GPR89A: variants seen among roughly 807,000 people sequenced by gnomAD.
GPR89A encodes the protein golgi pH regulator A, also known as G protein-coupled receptor 89A.
A neutral mutation model predicts 52.0 loss-of-function variants in GPR89A; 16 were observed. The ratio of observed to expected loss-of-function variants is 0.31; its 90% CI spans 0.21 to 0.47. The LOEUF (loss-of-function observed/expected upper bound fraction) is 0.47. Ranked by LOEUF, GPR89A falls within the 20% of genes least tolerant of loss-of-function variation. The pLI, the probability that GPR89A is intolerant of heterozygous loss-of-function variation, is 1.00. For missense variants in GPR89A, 135 were observed against 449.4 expected (o/e 0.30, Z 6.33); for synonymous variants, 55 against 150.9 (o/e 0.36, Z 4.66).
chr1:145,613,894 C>T (rs1553686570), intron 1 of GPR89A, among the ~76,000 whole-genome samples: 2 of 152,026 alleles, frequency 1.3e-5, no homozygotes, highest in Admixed American at 1.3e-4. Context: ...TCAAGTGGCC[C>T]TTCCACTTCA....
At chr1:145,658,925 G>A (rs1305486222) in intron 10 of GPR89A, among the ~76,000 whole-genome samples, 5 of 151,502 alleles carry the variant, frequency 3.3e-5, no homozygotes, top group African/African-American at 9.7e-5. Flanking sequence ...TTACAGGTGC[G>A]TACCACCACG....
intron 7 of GPR89A, among the ~76,000 whole-genome samples, chr1:145,642,243 A>G (rs1490889607): frequency 6.6e-6 from 1 of 151,932 alleles, no homozygotes; most frequent in Non-Finnish European, 1.5e-5. Context: ...CCTGCATGTT[A>G]AGCTGAAATG....
chr1:145,647,744 GC>G (rs1268032529), intron 10 of GPR89A, among the ~76,000 whole-genome samples: 5 of 142,334 alleles, frequency 3.5e-5, no homozygotes, highest in Non-Finnish European at 7.6e-5. Context: ...GGCGGACGTT[GC>G]AGTGAGCTAA....
intron 10 of GPR89A, among the ~76,000 whole-genome samples, chr1:145,656,289 G>C (rs1203716490): frequency 6.6e-6 from 1 of 151,840 alleles, no homozygotes; most frequent in East Asian, 1.9e-4. Context: ...AGGCCCTGTT[G>C]GCCTGGGCTC....
intron 7 of GPR89A, among the ~76,000 whole-genome samples, chr1:145,637,917 A>G (rs1203732651): frequency 6.6e-6 from 1 of 150,674 alleles, no homozygotes; most frequent in African/African-American, 2.5e-5. Context: ...CACGCCTGTA[A>G]TCCCAGCACT....
At chr1:145,611,191 C>CT (rs35221963) in intron 1 of GPR89A, among the ~76,000 whole-genome samples, 65,871 of 138,248 alleles carry the variant, frequency 0.48, 16,161 homozygotes, top group African/African-American at 0.63. Flanking sequence ...TAGTTTAAGT[C>CT]TTTTTTTTTT....
At chr1:145,664,324 T>C (rs1164903714) in intron 11 of GPR89A, among the ~76,000 whole-genome samples, 3 of 146,910 alleles carry the variant, frequency 2.0e-5, no homozygotes, top group East Asian at 1.9e-4. Flanking sequence ...GAACATGATA[T>C]CTTTTCTTCA....
At chr1:145,629,857 T>C (rs180939567) in intron 5 of GPR89A, among the ~76,000 whole-genome samples, 141 of 152,202 alleles carry the variant, frequency 9.3e-4, no homozygotes, top group African/African-American at 3.4e-3. Context: ...AATATTGGAA[T>C]TTTCAGTTTT....
At chr1:145,608,384 G>C (rs1334636018) in intron 1 of GPR89A, 5 of 938,710 alleles carry the variant, frequency 5.3e-6, no homozygotes, top group Non-Finnish European at 6.4e-6. Flanking sequence ...GGCCGTCCGC[G>C]TCCCCACCCG....
At chr1:145,658,434 A>G (rs1248580432) in intron 10 of GPR89A, among the ~76,000 whole-genome samples, 2 of 151,356 alleles carry the variant, frequency 1.3e-5, no homozygotes, top group African/African-American at 4.9e-5. Flanking sequence ...GGGAAACCCC[A>G]TTCTTTACCC....
intron 7 of GPR89A, among the ~76,000 whole-genome samples, chr1:145,639,953 C>A (rs1553691468): frequency 6.6e-6 from 1 of 152,158 alleles, no homozygotes. Flanking sequence ...CGTGGTGGCT[C>A]ATGCCTGTAA....
intron 3 of GPR89A, among the ~76,000 whole-genome samples, chr1:145,621,780 C>A (rs1649155959): frequency 6.6e-6 from 1 of 151,984 alleles, no homozygotes; most frequent in African/African-American, 2.4e-5. Flanking sequence ...ATAGGCATTT[C>A]TCCAGAGATG....
intron 12 of GPR89A, among the ~76,000 whole-genome samples, chr1:145,666,307 T>C (rs1387550464): frequency 6.8e-6 from 1 of 146,152 alleles, no homozygotes; most frequent in Admixed American, 6.9e-5. Context: ...GTTGTGAGAG[T>C]CACTTACAGA....
At chr1:145,617,035 C>T (rs1553687169) in intron 2 of GPR89A, among the ~76,000 whole-genome samples, 1 of 152,118 alleles carries the variant, frequency 6.6e-6, no homozygotes, top group African/African-American at 2.4e-5. Flanking sequence ...GGTTCAAGAG[C>T]AGACAACCAG....
chr1:145,646,234 C>T lies in GPR89A; in HGVS notation c.778C>T (p.Gln260Ter), dbSNP rs1553692527. 6.2e-7 allele frequency: 1 copy of T among 1,612,400 alleles called. No individual in the cohort carries two copies. Among genetic ancestry groups the T allele is most frequent in the African/African-American group, 1.3e-5 (1 of 74,728 alleles). The change falls in exon 9 of 14, where the codon CAG (glutamine) becomes TAG (stop). Residue 260 changes from glutamine (Q) to a stop codon, truncating the protein, a stop_gained. Transcript: ENST00000313835. LOFTEE classifies it high-confidence loss of function. ...GGATGCTTTGGAAGAATTAAGCAGG[C>T]AGCTTTTTCTGGAAACAGCTGATCT... ...EVDALEELSR[Q>*]LFLETADLYA...
intron 10 of GPR89A, among the ~76,000 whole-genome samples, chr1:145,647,957 A>G (rs1189936947): frequency 2.9e-5 from 4 of 139,174 alleles, no homozygotes; most frequent in Non-Finnish European, 6.1e-5. Context: ...TGTGTTACCC[A>G]TGAGTACATA....
At chr1:145,629,801 A>G (rs1328155588) in intron 5 of GPR89A, among the ~76,000 whole-genome samples, 1 of 151,970 alleles carries the variant, frequency 6.6e-6, no homozygotes, top group Non-Finnish European at 1.5e-5. Context: ...AAACGAGTGT[A>G]GTGGAAATAG....
rs587685062 is a variant in GPR89A at position 145,608,116 on chromosome 1, C to T, written c.-18C>T. On this transcript the variant is annotated 5_prime_UTR_variant, in exon 1 of 14. Coordinates refer to ENST00000313835, the MANE Select transcript of GPR89A (RefSeq NM_001097612.2). ...GGGGAGTGGGAAGTGGAGGCAGGAG[C>T]CTTCCTTACACTTCGCCATGAGTTT... 1.2e-6 allele frequency: 2 copies of T among 1,613,650 alleles called. No individual in the cohort carries two copies. Among genetic ancestry groups the T allele is most frequent in the South Asian group, 1.1e-5 (1 of 91,070 alleles).
intron 1 of GPR89A, among the ~76,000 whole-genome samples, chr1:145,614,731 A>C (rs1167711206): frequency 6.6e-6 from 1 of 152,232 alleles, no homozygotes; most frequent in Non-Finnish European, 1.5e-5. Context: ...AGGATTATAT[A>C]AAAAGCAATT....
Sources: allele counts gnomAD v4.1 joint callset (sites outside exome capture counted in the v4.1 genomes callset), GRCh38; gene constraint gnomAD v4.1.1; transcripts MANE v1.5; gene names NCBI Gene and HGNC (gene_info 2026-07-23, HGNC 2026-07-21).